SNTG1: variants seen among roughly 807,000 people sequenced by gnomAD.
SNTG1 encodes gamma-1-syntrophin.
A neutral mutation model predicts 74.7 loss-of-function variants in SNTG1; 39 were observed. That is an observed-to-expected ratio of 0.52 (90% CI 0.40 to 0.68). The LOEUF (loss-of-function observed/expected upper bound fraction) is 0.68, where lower values mean the gene tolerates loss of function less well. Among genes scored for constraint, SNTG1 ranks in the 30% least tolerant of loss-of-function variants. The pLI is 0.00. For missense variants in SNTG1, 685 were observed against 609.5 expected (o/e 1.12, Z -1.30); for synonymous variants, 254 against 217.1 (o/e 1.17, Z -1.49).
chr8:50,494,770 A>T (rs1055247806), intron 8 of SNTG1, among the ~76,000 whole-genome samples: 1 of 152,068 alleles, frequency 6.6e-6, no homozygotes, highest in African/African-American at 2.4e-5. Context: ...TTATTACATA[A>T]AATCTTGTTT....
At chr8:50,477,674 T>C (rs1024055262) in intron 8 of SNTG1, among the ~76,000 whole-genome samples, 1 of 152,166 alleles carries the variant, frequency 6.6e-6, no homozygotes, top group Non-Finnish European at 1.5e-5. Context: ...TACTGACTCA[T>C]TAACTGTGGC....
chr8:50,435,520 T>C (rs562554879), intron 4 of SNTG1, among the ~76,000 whole-genome samples: 1 of 152,262 alleles, frequency 6.6e-6, no homozygotes, highest in Non-Finnish European at 1.5e-5. Context: ...TGTAAGGGGA[T>C]AAAGTGGCAG....
intron 5 of SNTG1, among the ~76,000 whole-genome samples, chr8:50,446,139 A>G (rs891595624): frequency 2.0e-5 from 3 of 152,088 alleles, no homozygotes; most frequent in African/African-American, 7.2e-5. Context: ...CCTGTTTTAA[A>G]CAAGCCACAT....
intron 1 of SNTG1, among the ~76,000 whole-genome samples, chr8:50,128,009 TA>T (rs535237238): frequency 6.6e-6 from 1 of 152,082 alleles, no homozygotes; most frequent in Non-Finnish European, 1.5e-5. Context: ...GGAGAGAGTC[TA>T]AAAAATGTCT....
intron 18 of SNTG1, among the ~76,000 whole-genome samples, chr8:50,783,752 C>T (rs143420877): frequency 0.032 from 4,881 of 152,262 alleles, 104 homozygotes; most frequent in East Asian, 0.056. Flanking sequence ...GAACCTGGTA[C>T]CTCACATGGA....
intron 1 of SNTG1, among the ~76,000 whole-genome samples, chr8:50,157,518 A>T (rs568573200): frequency 6.6e-6 from 1 of 152,148 alleles, no homozygotes; most frequent in African/African-American, 2.4e-5. Flanking sequence ...TCAACACACA[A>T]TTAAAAACTT....
At chr8:50,655,633 T>C (rs1384751831) in intron 13 of SNTG1, among the ~76,000 whole-genome samples, 4 of 152,164 alleles carry the variant, frequency 2.6e-5, no homozygotes, top group Non-Finnish European at 5.9e-5. Context: ...TAAGACAAAC[T>C]GAGATAATGA....
At chr8:50,006,589 C>A (rs1426378564) in intron 1 of SNTG1, among the ~76,000 whole-genome samples, 1 of 152,064 alleles carries the variant, frequency 6.6e-6, no homozygotes, top group Non-Finnish European at 1.5e-5. Flanking sequence ...GCACATAGGT[C>A]CTGGCCTAGT....
chr8:50,699,910 G>C (rs761514712), intron 15 of SNTG1, among the ~76,000 whole-genome samples: 1 of 152,104 alleles, frequency 6.6e-6, no homozygotes, highest in East Asian at 1.9e-4. Flanking sequence ...ATTAAATATA[G>C]TATCTTATTT....
intron 1 of SNTG1, among the ~76,000 whole-genome samples, chr8:49,931,853 A>G (rs1163431763): frequency 1.3e-5 from 2 of 152,202 alleles, no homozygotes; most frequent in Non-Finnish European, 2.9e-5. Context: ...TATTGTTTTT[A>G]GATGTATAGA....
chr8:50,790,417 T>C (rs2131866859), intron 18 of SNTG1, among the ~76,000 whole-genome samples: 1 of 152,074 alleles, frequency 6.6e-6, no homozygotes, highest in East Asian at 1.9e-4. Flanking sequence ...AAGACTTTTT[T>C]TACAAGGGAA....
At chr8:50,768,107 G>A (rs979584034) in intron 18 of SNTG1, among the ~76,000 whole-genome samples, 18 of 151,842 alleles carry the variant, frequency 1.2e-4, no homozygotes, top group East Asian at 3.9e-4. Context: ...GCTGATCATC[G>A]GAGGCTCCTT....
At chr8:50,322,868 G>A (rs62517570) in intron 2 of SNTG1, among the ~76,000 whole-genome samples, 12 of 151,792 alleles carry the variant, frequency 7.9e-5, no homozygotes, top group African/African-American at 2.9e-4. Flanking sequence ...TGTAATCCCA[G>A]CATTTTGGGA....
chr8:50,499,105 T>A (rs944603871), intron 8 of SNTG1, among the ~76,000 whole-genome samples: 4 of 151,822 alleles, frequency 2.6e-5, no homozygotes, highest in Non-Finnish European at 4.4e-5. Flanking sequence ...CTGGATTTTT[T>A]AAATTTCCAC....
intron 12 of SNTG1, among the ~76,000 whole-genome samples, chr8:50,576,154 T>G (rs2094575638): frequency 6.6e-6 from 1 of 152,232 alleles, no homozygotes; most frequent in South Asian, 2.1e-4. Context: ...GGTTAATTTT[T>G]GAATATAATG....
chr8:50,678,947 T>A (rs1563732920), intron 15 of SNTG1, among the ~76,000 whole-genome samples: 1 of 152,078 alleles, frequency 6.6e-6, no homozygotes, highest in African/African-American at 2.4e-5. Flanking sequence ...CACAACTATA[T>A]GTGTATATGT....
chr8:50,406,232 G>T (rs1032937743), intron 4 of SNTG1, among the ~76,000 whole-genome samples: 4 of 151,976 alleles, frequency 2.6e-5, no homozygotes, highest in Non-Finnish European at 5.9e-5. Context: ...GCAATGTTTT[G>T]TTGTTTTCAT....
intron 13 of SNTG1, among the ~76,000 whole-genome samples, chr8:50,637,323 C>T (rs776934971): frequency 6.1e-4 from 93 of 152,090 alleles, no homozygotes; most frequent in Non-Finnish European, 1.2e-3. Flanking sequence ...TAGGCTCTCT[C>T]AATTCATGAG....
At chr8:50,770,783 A>G (rs1298816872) in intron 18 of SNTG1, among the ~76,000 whole-genome samples, 1 of 151,994 alleles carries the variant, frequency 6.6e-6, no homozygotes, top group Non-Finnish European at 1.5e-5. Flanking sequence ...GAAAAAATGG[A>G]TTAATTTCCA....
Sources: gnomAD v4.1 joint callset for allele counts (sites outside exome capture counted in the v4.1 genomes callset) on GRCh38, gnomAD v4.1.1 for gene constraint, MANE v1.5 for transcripts, NCBI Gene and HGNC (gene_info 2026-07-23, HGNC 2026-07-21) for gene names.